TTC28: variants seen among roughly 807,000 people sequenced by gnomAD.
The protein encoded by TTC28 is tetratricopeptide repeat domain 28, also known as tetratricopeptide repeat protein 28.
A neutral mutation model predicts 198.0 loss-of-function variants in TTC28; 61 were observed. That is an observed-to-expected ratio of 0.31 (90% CI 0.25 to 0.38). The LOEUF (loss-of-function observed/expected upper bound fraction) is 0.38. Ranked by LOEUF, TTC28 falls within the 10% of genes least tolerant of loss-of-function variation. TTC28 has a pLI of 1.00. For missense variants in TTC28, 2,678 were observed against 3,164.0 expected (o/e 0.85, Z 3.69); for synonymous variants, 1,171 against 1,297.8 (o/e 0.90, Z 2.10).
chr22:28,518,610 T>C (rs2048838713), intron 2 of TTC28, among the ~76,000 whole-genome samples: 1 of 152,134 alleles, frequency 6.6e-6, no homozygotes, highest in Admixed American at 6.6e-5. Context: ...CCTGTCTCTA[T>C]TTTTTAAAAA....
intron 2 of TTC28, among the ~76,000 whole-genome samples, chr22:28,419,010 G>C (rs2047208198): frequency 6.6e-6 from 1 of 152,156 alleles, no homozygotes; most frequent in South Asian, 2.1e-4. Flanking sequence ...TGTAGGAGCA[G>C]AGTCTGGAAA....
chr22:28,316,523 G>A (rs1346946451), intron 2 of TTC28, among the ~76,000 whole-genome samples: 1 of 151,832 alleles, frequency 6.6e-6, no homozygotes, highest in Non-Finnish European at 1.5e-5. Context: ...ATTTGTATTG[G>A]TTCAATTTTG....
chr22:28,656,856 T>C (rs943141378), intron 1 of TTC28, among the ~76,000 whole-genome samples: 1 of 152,158 alleles, frequency 6.6e-6, no homozygotes, highest in African/African-American at 2.4e-5. Context: ...GGCACATGTA[T>C]ATAACAAATC....
intron 2 of TTC28, among the ~76,000 whole-genome samples, chr22:28,479,168 A>C (rs1270732312): frequency 1.3e-5 from 2 of 152,184 alleles, no homozygotes; most frequent in South Asian, 2.1e-4. Context: ...GGGAAAAAAC[A>C]CCTCTGAGAT....
At chr22:28,572,872 G>T (rs1380954007) in intron 2 of TTC28, among the ~76,000 whole-genome samples, 1 of 152,152 alleles carries the variant, frequency 6.6e-6, no homozygotes, top group Non-Finnish European at 1.5e-5. Context: ...AGGGAGGCCA[G>T]GTGCAGTGGC....
chr22:28,600,962 C>A (rs953835210), intron 2 of TTC28, among the ~76,000 whole-genome samples: 2 of 152,102 alleles, frequency 1.3e-5, no homozygotes, highest in Non-Finnish European at 2.9e-5. Context: ...TGACTTTAAA[C>A]CTAAATTAGT....
At chr22:28,322,282 C>A (rs534881845) in intron 2 of TTC28, among the ~76,000 whole-genome samples, 2 of 152,018 alleles carry the variant, frequency 1.3e-5, no homozygotes, top group Non-Finnish European at 2.9e-5. Flanking sequence ...CATTTAATGT[C>A]TTTTCCAAAT....
At position 28,321,878 on chromosome 22, in the gene TTC28, C is replaced by T. The variant is rs552704910; in HGVS notation, c.382-15235G>A. ...TTGAGACTGAGTCTCACTCTGTCAC[C>T]CAGGCTGGAGTGGCAAGATCTTGGC... On this transcript the variant is annotated intron_variant, in intron 2 of 22. Coordinates refer to ENST00000397906, the MANE Select transcript of TTC28 (RefSeq NM_001145418.2). 1.2e-4 allele frequency among the ~76,000 whole-genome samples: 19 copies of T among 152,252 alleles called. No individual in the cohort carries two copies. The East Asian group carries it at 3.7e-3, about 29-fold the overall frequency.
In TTC28 at chr22:28,335,201, T is replaced by A. The variant is rs574348049; in HGVS notation, c.382-28558A>T. 1.3e-3 allele frequency among the ~76,000 whole-genome samples: 196 copies of A among 152,326 alleles called. 1 individual carries two copies. The highest frequency in any genetic ancestry group is 3.5e-3 in the African/African-American group (145 of 41,560). ...ATTATTTCTGAGGGCTCTTTTCTGT[T>A]CCATTGGTCTATATCTCTGTTTTGG... is the stretch of plus-strand genomic sequence containing the variant. On this transcript the variant is annotated intron_variant, in intron 2 of 22. Transcript: ENST00000397906.
intron 1 of TTC28, among the ~76,000 whole-genome samples, chr22:28,662,569 TAC>T (rs1448892427): frequency 1.3e-5 from 2 of 152,178 alleles, no homozygotes; most frequent in Non-Finnish European, 2.9e-5. Flanking sequence ...TGACACAGAG[TAC>T]ACACAATATA....
intron 12 of TTC28, among the ~76,000 whole-genome samples, chr22:28,081,186 T>C (rs1316186471): frequency 2.0e-5 from 3 of 151,624 alleles, no homozygotes; most frequent in Non-Finnish European, 2.9e-5. Context: ...CATATTTATG[T>C]ACATATATAT....
At position 28,046,030 on chromosome 22, in the gene TTC28, T is replaced by C. The variant is rs761152492; in HGVS notation, c.3933-15664A>G. Among the ~76,000 whole-genome samples, 16 of 152,324 alleles carry C rather than the reference T, an allele frequency of 1.1e-4. No homozygotes were observed. In the East Asian group the frequency reaches 1.5e-3, roughly 15 times the overall value. On this transcript the variant is annotated intron_variant, in intron 12 of 22. Coordinates refer to ENST00000397906, the MANE Select transcript of TTC28 (RefSeq NM_001145418.2). ...CTGTTTTGAGACCCAGGCAAGAGCATACATGAAAGTTCTTTGTAAAAGGCA... is the reference window on the plus strand; with the variant it reads ...CTGTTTTGAGACCCAGGCAAGAGCACACATGAAAGTTCTTTGTAAAAGGCA...
chr22:28,224,677 G>T (rs933849446), intron 5 of TTC28, among the ~76,000 whole-genome samples: 1 of 152,082 alleles, frequency 6.6e-6, no homozygotes, highest in African/African-American at 2.4e-5. Context: ...CTGGTGGAGG[G>T]GGTCATGGGG....
intron 6 of TTC28, among the ~76,000 whole-genome samples, chr22:28,151,961 TAGA>T (rs1195395630): frequency 2.6e-5 from 4 of 152,080 alleles, no homozygotes; most frequent in Non-Finnish European, 4.4e-5. Context: ...GCCTCTCAAG[TAGA>T]AGAACTAACT....
At chr22:28,377,531 G>A (rs2046430646) in intron 2 of TTC28, among the ~76,000 whole-genome samples, 1 of 152,102 alleles carries the variant, frequency 6.6e-6, no homozygotes, top group Non-Finnish European at 1.5e-5. Flanking sequence ...AAATGACAGA[G>A]CCACAACTAG....
At chr22:28,396,911 G>C (rs1043700921) in intron 2 of TTC28, among the ~76,000 whole-genome samples, 1 of 152,056 alleles carries the variant, frequency 6.6e-6, no homozygotes, top group African/African-American at 2.4e-5. Flanking sequence ...TTCTGTCCCT[G>C]CTCCCCATCC....
chr22:28,164,113 G>T (rs970300227), intron 5 of TTC28, among the ~76,000 whole-genome samples: 1 of 152,194 alleles, frequency 6.6e-6, no homozygotes, highest in Non-Finnish European at 1.5e-5. Context: ...GCCCATCATT[G>T]CCAAGGCTTG....
At chr22:28,220,983 A>T (rs1023910106) in intron 5 of TTC28, among the ~76,000 whole-genome samples, 6 of 152,154 alleles carry the variant, frequency 3.9e-5, no homozygotes, top group African/African-American at 1.4e-4. Flanking sequence ...GAGGCAACAA[A>T]TGTGGATAAA....
intron 2 of TTC28, among the ~76,000 whole-genome samples, chr22:28,543,447 G>T (rs1283625299): frequency 6.6e-6 from 1 of 150,800 alleles, no homozygotes; most frequent in African/African-American, 2.4e-5. Context: ...AGGAGGAAGA[G>T]GAGGAGGAGG....
Sources: allele counts gnomAD v4.1 joint callset (sites outside exome capture counted in the v4.1 genomes callset), GRCh38; gene constraint gnomAD v4.1.1; transcripts MANE v1.5; gene names NCBI Gene and HGNC (gene_info 2026-07-23, HGNC 2026-07-21).